Variants in ACMSD observed in about 807,000 individuals in gnomAD.
The protein encoded by ACMSD is 2-amino-3-carboxymuconate-6-semialdehyde decarboxylase.
In ACMSD, 37 loss-of-function variants were observed where a neutral mutation model predicts 45.9. That is an observed-to-expected ratio of 0.81 (90% CI 0.62 to 1.06). The LOEUF (loss-of-function observed/expected upper bound fraction) is 1.06. Among genes scored for constraint, ACMSD ranks in the 50% least tolerant of loss-of-function variants. ACMSD has a pLI of 0.00. For synonymous variants in ACMSD, 138 were observed against 148.8 expected (o/e 0.93, Z 0.53); for missense variants, 434 against 420.9 (o/e 1.03, Z -0.27).
intron 2 of ACMSD, among the ~76,000 whole-genome samples, chr2:134,858,890 T>C (rs1256254106): frequency 6.6e-6 from 1 of 150,392 alleles, no homozygotes; most frequent in Non-Finnish European, 1.5e-5. Flanking sequence ...AAGGTTCTTT[T>C]CAATTCTAAA....
intron 2 of ACMSD, among the ~76,000 whole-genome samples, chr2:134,845,958 T>C (rs1407107243): frequency 6.6e-6 from 1 of 152,280 alleles, no homozygotes; most frequent in East Asian, 1.9e-4. Context: ...TCTGGAGGAC[T>C]TGTGGTCTGG....
intron 5 of ACMSD, 97 bp downstream of exon 5, chr2:134,863,728 C>T: frequency 1.6e-6 from 2 of 1,254,938 alleles, no homozygotes. Flanking sequence ...CGTCACCCCA[C>T]TGGGAGGGGA....
chr2:134,862,058 G>A, intron 4 of ACMSD, 40 bp downstream of exon 4: 1 of 1,613,226 alleles, frequency 6.2e-7, no homozygotes, highest in Middle Eastern at 1.6e-4. Flanking sequence ...GGTGTTGAAG[G>A]TTCGTGTTGA....
chr2:134,892,107 A>T (rs1689821053), intron 8 of ACMSD, among the ~76,000 whole-genome samples: 1 of 152,114 alleles, frequency 6.6e-6, no homozygotes, highest in Non-Finnish European at 1.5e-5. Context: ...GGTGAGGATG[A>T]GAAATTACTT....
At chr2:134,851,754 T>C (rs1573626817) in intron 2 of ACMSD, among the ~76,000 whole-genome samples, 2 of 152,344 alleles carry the variant, frequency 1.3e-5, no homozygotes, top group East Asian at 3.9e-4. Context: ...CAATCCCTTT[T>C]CTCTGCAGCC....
At chr2:134,850,122 TA>T (rs1344167424) in intron 2 of ACMSD, among the ~76,000 whole-genome samples, 5 of 150,254 alleles carry the variant, frequency 3.3e-5, no homozygotes, top group South Asian at 4.3e-4. Flanking sequence ...CTAACCCCCT[TA>T]AAAAATGAAA....
chr2:134,839,341 CA>C (rs2104799852), intron 1 of ACMSD, among the ~76,000 whole-genome samples: 1 of 152,212 alleles, frequency 6.6e-6, no homozygotes, highest in Non-Finnish European at 1.5e-5. Context: ...AGCTTTTGCA[CA>C]GTGACATCTC....
intron 1 of ACMSD, among the ~76,000 whole-genome samples, chr2:134,844,852 C>A (rs1686978472): frequency 6.6e-6 from 1 of 152,204 alleles, no homozygotes; most frequent in African/African-American, 2.4e-5. Context: ...TGGATTGCAA[C>A]CCACAGTTTG....
At chr2:134,867,432 T>C (rs546463997) in intron 5 of ACMSD, 147 bp from the exon 6 acceptor site, 10 of 566,208 alleles carry the variant, frequency 1.8e-5, no homozygotes, top group African/African-American at 3.8e-5. Flanking sequence ...CTCTTCTATA[T>C]AGATCATAAA....
In ACMSD at chr2:134,885,328, TG is replaced by T. The variant is rs1483666325; in HGVS notation, c.849+12688del. ...TTAAATATATATATATAAATATATA[TG>T]TAAATATATATTTATATATAATATA... On this transcript the variant is annotated intron_variant, in intron 8 of 9. Transcript: ENST00000356140. Among the ~76,000 whole-genome samples, 6 of 109,494 alleles carry T rather than the reference TG, an allele frequency of 5.5e-5. No individual in the cohort carries two copies. The South Asian group carries it at 7.1e-4, about 13-fold the overall frequency. The allele number at this position is 109,494 out of a possible 152,430, so 71.8% of individuals were successfully genotyped here. A position where few individuals can be genotyped will look rare whatever the true frequency, so the allele number is the denominator to read the frequency against.
At chr2:134,859,378 A>T (rs750319385) in intron 3 of ACMSD, 21 bp downstream of exon 3, 1 of 1,607,990 alleles carries the variant, frequency 6.2e-7, no homozygotes, top group Non-Finnish European at 8.5e-7. Context: ...AAGTGCTACC[A>T]ATGTTAGCAT....
At chr2:134,891,345 T>C (rs1689772000) in intron 8 of ACMSD, among the ~76,000 whole-genome samples, 1 of 152,080 alleles carries the variant, frequency 6.6e-6, no homozygotes, top group African/African-American at 2.4e-5. Context: ...GTTCATTCTT[T>C]TGTATGTGGC....
intron 2 of ACMSD, among the ~76,000 whole-genome samples, chr2:134,858,942 T>A (rs1687718164): frequency 6.8e-6 from 1 of 147,816 alleles, no homozygotes; most frequent in Non-Finnish European, 1.5e-5. Flanking sequence ...GCCATCCTCT[T>A]GTATCTAGTA....
intron 8 of ACMSD, among the ~76,000 whole-genome samples, chr2:134,893,834 G>A (rs1042165559): frequency 6.6e-6 from 1 of 152,152 alleles, no homozygotes; most frequent in East Asian, 1.9e-4. Flanking sequence ...TGCCATACAA[G>A]AAATGCCAAA....
intron 8 of ACMSD, among the ~76,000 whole-genome samples, chr2:134,891,100 G>A (rs1203689613): frequency 6.6e-6 from 1 of 151,872 alleles, no homozygotes; most frequent in Admixed American, 6.6e-5. Flanking sequence ...TTTCACTCTG[G>A]TAATTATTTC....
chr2:134,868,767 G>A (rs1688263622), intron 6 of ACMSD, among the ~76,000 whole-genome samples: 1 of 151,956 alleles, frequency 6.6e-6, no homozygotes, highest in Non-Finnish European at 1.5e-5. Context: ...TTTTCTTTAA[G>A]GGGACCATTG....
intron 2 of ACMSD, among the ~76,000 whole-genome samples, chr2:134,847,987 A>T (rs1253648519): frequency 1.3e-5 from 2 of 151,714 alleles, no homozygotes; most frequent in African/African-American, 4.8e-5. Flanking sequence ...GAGTAGCTGG[A>T]ATTACAGGCA....
intron 1 of ACMSD, among the ~76,000 whole-genome samples, chr2:134,844,904 G>A (rs1252903405): frequency 6.6e-6 from 1 of 152,172 alleles, no homozygotes; most frequent in Non-Finnish European, 1.5e-5. Flanking sequence ...TAGGAGCTAT[G>A]TACTCCTGGT....
In ACMSD at chr2:134,867,683, G is replaced by C. The variant is rs1303216969; in HGVS notation, c.580+11G>C. 1 of 1,611,946 alleles carries C rather than the reference G, an allele frequency of 6.2e-7. No homozygotes were observed. The highest frequency in any genetic ancestry group is 8.5e-7 in the Non-Finnish European group (1 of 1,178,470). ...TCCCTTGGCTTGTAGGTTTGTGTCT[G>C]TGTGGGGTCTGGAACAGAGGACCAA... On this transcript the variant is annotated intron_variant, in intron 6 of 9. Transcript: ENST00000356140.
Sources: gnomAD v4.1 joint callset for allele counts (sites outside exome capture counted in the v4.1 genomes callset) on GRCh38, gnomAD v4.1.1 for gene constraint, MANE v1.5 for transcripts, NCBI Gene and HGNC (gene_info 2026-07-23, HGNC 2026-07-21) for gene names.